ABHD2: variants seen among roughly 807,000 people sequenced by gnomAD.
ABHD2 encodes the protein monoacylglycerol lipase ABHD2.
A neutral mutation model predicts 48.1 loss-of-function variants in ABHD2; 20 were observed. The ratio of observed to expected loss-of-function variants is 0.42; its 90% confidence interval spans 0.29 to 0.60. The LOEUF (loss-of-function observed/expected upper bound fraction) is 0.60. Ranked by LOEUF, ABHD2 falls within the 20% of genes least tolerant of loss-of-function variation. The probability of loss-of-function intolerance (pLI) is 0.24; values close to 1 mark genes in which losing one functional copy is unlikely to be tolerated. For synonymous variants in ABHD2, 209 were observed against 214.2 expected (o/e 0.98, Z 0.21); for missense variants, 405 against 550.9 (o/e 0.74, Z 2.65).
intron 1 of ABHD2, among the ~76,000 whole-genome samples, chr15:89,109,717 T>C (rs1354766830): frequency 6.6e-6 from 1 of 152,136 alleles, no homozygotes; most frequent in East Asian, 1.9e-4. Context: ...TAAAACAAAA[T>C]GCAGCAAGAT....
At chr15:89,127,653 C>A (rs893602228) in intron 3 of ABHD2, among the ~76,000 whole-genome samples, 22 of 148,176 alleles carry the variant, frequency 1.5e-4, no homozygotes, top group African/African-American at 5.4e-4. Flanking sequence ...TGGACTTTTC[C>A]TTCCTTGGGA....
At position 89,195,782 on chromosome 15, in the gene ABHD2, G is replaced by A. The variant is rs1222410576; in HGVS notation, c.*359G>A. On this transcript the variant is annotated 3_prime_UTR_variant, in exon 11 of 11. Coordinates refer to ENST00000352732, the MANE Select transcript of ABHD2 (RefSeq NM_152924.5). This position sits in a 1 kb window ranked among gnomAD's most constrained non-coding sequence, Gnocchi z 5.1. ...CTTTGCCACCAAAAGGCTTTTCCCT[G>A]AGAACAGTGAAGGATGTATGTCATT... 1 of 221,354 alleles carries A rather than the reference G, an allele frequency of 4.5e-6. No individual in the cohort carries two copies. The highest frequency in any genetic ancestry group is 1.3e-4 in the East Asian group (1 of 7,534). 13.7% of individuals were successfully genotyped at this position (221,354 alleles called of 1,614,324 possible). A position where few individuals can be genotyped will look rare whatever the true frequency, so the allele number is the denominator to read the frequency against.
rs1255578216 is a variant in ABHD2, at chr15:89,137,119, T to A, written c.195-14558T>A. Among the ~76,000 whole-genome samples, 2 of 152,266 alleles carry A rather than the reference T, an allele frequency of 1.3e-5. No individual in the cohort carries two copies. Among genetic ancestry groups the A allele is most frequent in the East Asian group, 3.9e-4 (2 of 5,164 alleles). On this transcript the variant is annotated intron_variant, in intron 3 of 10. Transcript: ENST00000352732. The surrounding 1 kb of genome is among the most constrained non-coding windows in gnomAD (Gnocchi z 4.8). Reference sequence around the variant, plus strand: ...TTTGCAGGACCAGTTCTCTAACGGATCCAGGGTTCCAGTGGAACCCTGGAG... The same window carrying A: ...TTTGCAGGACCAGTTCTCTAACGGAACCAGGGTTCCAGTGGAACCCTGGAG...
chr15:89,116,187 G>A lies in ABHD2; in HGVS notation c.-6-135G>A, dbSNP rs764252871. 2.6e-6 allele frequency: 2 copies of A among 766,932 alleles called. No individual in the cohort carries two copies. Among genetic ancestry groups the A allele is most frequent in the Non-Finnish European group, 4.2e-6 (2 of 479,222 alleles). The allele number at this position is 766,932 out of a possible 1,614,324, so 47.5% of individuals were successfully genotyped here. On this transcript the variant is annotated intron_variant, in intron 2 of 10. Transcript: ENST00000352732. The surrounding 1 kb of genome is among the most constrained non-coding windows in gnomAD (Gnocchi z 4.6). ...GATGCTGGTGGTGTCTGCCTGTCAGGAGCCTGCGGAAACATCTGAATTGTG... is the reference window on the plus strand; with the variant it reads ...GATGCTGGTGGTGTCTGCCTGTCAGAAGCCTGCGGAAACATCTGAATTGTG...
chr15:89,144,953 T>A (rs1873548652), intron 3 of ABHD2, among the ~76,000 whole-genome samples: 1 of 152,156 alleles, frequency 6.6e-6, no homozygotes, highest in Non-Finnish European at 1.5e-5. Context: ...CTAGATGTCT[T>A]CTTGAAAAAA....
At chr15:89,149,470 G>A (rs2050555692) in intron 3 of ABHD2, among the ~76,000 whole-genome samples, 1 of 152,214 alleles carries the variant, frequency 6.6e-6, no homozygotes, top group Non-Finnish European at 1.5e-5. Context: ...GGTGTGTAAT[G>A]TATGTCCAGT....
At chr15:89,056,656 A>AAAATT in the ABHD2 span, among the ~76,000 whole-genome samples, 1 of 152,050 alleles carries the variant, frequency 6.6e-6, no homozygotes, top group East Asian at 1.9e-4. Context: ...AAAATAAAAT[A>AAAATT]AAAAAATAAA....
chr15:89,060,702 G>A, the ABHD2 span, among the ~76,000 whole-genome samples: 2 of 152,050 alleles, frequency 1.3e-5, no homozygotes, highest in African/African-American at 4.8e-5. Context: ...CAGATTTTAA[G>A]TGATTTGTGT....
chr15:89,131,373 CCTT>C (rs1441088426), intron 3 of ABHD2, among the ~76,000 whole-genome samples: 1 of 152,208 alleles, frequency 6.6e-6, no homozygotes, highest in African/African-American at 2.4e-5. Context: ...AACATAATCA[CCTT>C]CTTTCTGATG....
At chr15:89,069,971 T>G in the ABHD2 span, 5 of 152,348 alleles carry the variant, frequency 3.3e-5, no homozygotes, top group East Asian at 9.7e-4. Context: ...TGAGCCACCA[T>G]GCCCTGCTAT....
At chr15:89,083,306 G>A (rs774486422), upstream of ABHD2, among the ~76,000 whole-genome samples, 24 of 152,180 alleles carry the variant, frequency 1.6e-4, no homozygotes, top group Middle Eastern at 0.01. The surrounding 1 kb of genome is among the most constrained non-coding windows in gnomAD (Gnocchi z 5.1). Flanking sequence ...AAGTTTTATC[G>A]ACTGTTTTGC....
intron 3 of ABHD2, among the ~76,000 whole-genome samples, chr15:89,134,964 A>C (rs28459218): frequency 0.038 from 5,754 of 152,202 alleles, 366 homozygotes; most frequent in African/African-American, 0.13. Context: ...CCATTTTATG[A>C]GTTGTTTTCT....
In ABHD2 at chr15:89,176,709, C is replaced by G. The variant is rs907066091; in HGVS notation, c.722+714C>G. 2.0e-5 allele frequency among the ~76,000 whole-genome samples: 3 copies of G among 152,152 alleles called. No homozygotes were observed. Among genetic ancestry groups the G allele is most frequent in the Admixed American group, 2.0e-4 (3 of 15,274 alleles). ...ACACTCACACTATACACACACCTCT[C>G]CAGGCTCTTCAAATACATTCATATT... On this transcript the variant is annotated intron_variant, in intron 6 of 10. Coordinates refer to ENST00000352732, the MANE Select transcript of ABHD2 (RefSeq NM_152924.5). This position sits in a 1 kb window ranked among gnomAD's most constrained non-coding sequence, Gnocchi z 4.5.
chr15:89,163,018 A>G (rs2050785584), intron 5 of ABHD2, among the ~76,000 whole-genome samples: 1 of 152,220 alleles, frequency 6.6e-6, no homozygotes, highest in African/African-American at 2.4e-5. Context: ...ATTGTGCCCT[A>G]TATGTGAGTC....
chr15:89,053,299 C>G, the ABHD2 span, among the ~76,000 whole-genome samples: 1 of 152,102 alleles, frequency 6.6e-6, no homozygotes, highest in Non-Finnish European at 1.5e-5. Context: ...TCTGTCACAG[C>G]CAGCCCAGAG....
At chr15:89,117,386 T>C (rs1226853715) in intron 3 of ABHD2, among the ~76,000 whole-genome samples, 2 of 152,170 alleles carry the variant, frequency 1.3e-5, no homozygotes, top group Non-Finnish European at 2.9e-5. Context: ...GAAACTGTAG[T>C]TGTAAAATGA....
chr15:89,090,747 C>T (rs1411884053), intron 1 of ABHD2, among the ~76,000 whole-genome samples: 1 of 152,148 alleles, frequency 6.6e-6, no homozygotes, highest in Non-Finnish European at 1.5e-5. Context: ...TGGTGTCCTT[C>T]CAAATATGTA....
At chr15:89,056,038 A>G in the ABHD2 span, among the ~76,000 whole-genome samples, 1 of 152,198 alleles carries the variant, frequency 6.6e-6, no homozygotes, top group African/African-American at 2.4e-5. Flanking sequence ...TATTTTGTAG[A>G]GACAGAGTCT....
chr15:89,118,286 C>T (rs1213734543), intron 3 of ABHD2, among the ~76,000 whole-genome samples: 3 of 152,018 alleles, frequency 2.0e-5, no homozygotes, highest in South Asian at 2.1e-4. Context: ...CAGGTTCAAG[C>T]GATTCTCCTA....
Sources: allele counts gnomAD v4.1 joint callset (sites outside exome capture counted in the v4.1 genomes callset), GRCh38; gene constraint gnomAD v4.1.1; non-coding constraint Gnocchi (gnomAD v3.1); transcripts MANE v1.5; gene names NCBI Gene and HGNC (gene_info 2026-07-23, HGNC 2026-07-21).